Variants in AUTS2 observed in about 807,000 individuals in gnomAD.
The protein encoded by AUTS2 is activator of transcription and developmental regulator AUTS2, also known as autism susceptibility gene 2 protein.
AUTS2 carries 17 observed loss-of-function variants against 112.4 expected under a neutral mutation model. The observed-to-expected ratio is 0.15, with a 90% CI of 0.10 to 0.23. The LOEUF (loss-of-function observed/expected upper bound fraction) is 0.23, where lower values mean the gene tolerates loss of function less well. AUTS2 is among the 10% of genes least tolerant of loss of function. AUTS2 has a pLI of 1.00. For missense variants in AUTS2, 1,510 were observed against 1,701.6 expected, an observed-to-expected ratio of 0.89 and a Z score of 1.98; for synonymous variants, 751 against 702.7, an observed-to-expected ratio of 1.07 and a Z score of -1.09.
chr7:70,253,041 A>T (rs113958068), intron 4 of AUTS2, among the ~76,000 whole-genome samples: 1 of 151,938 alleles, frequency 6.6e-6, no homozygotes, highest in Non-Finnish European at 1.5e-5. Flanking sequence ...TTTTTTCTTT[A>T]TGTAGTCAAT....
intron 1 of AUTS2, among the ~76,000 whole-genome samples, chr7:69,710,917 G>A (rs758406373): frequency 3.7e-4 from 57 of 152,128 alleles, no homozygotes; most frequent in Non-Finnish European, 5.1e-4. Flanking sequence ...GCCTGTGGAG[G>A]AAGATCTCAT....
chr7:70,274,784 T>C lies in AUTS2; in HGVS notation c.660+140213T>C, dbSNP rs376340834. On this transcript the variant is annotated intron_variant, in intron 4 of 18. Transcript: ENST00000342771. ...TAATGCCATGGAGGCCTGAAAAGGT[T>C]AAGGTTCTCAAAGATCAAAAATGTA... 3.9e-5 allele frequency among the ~76,000 whole-genome samples: 6 copies of C among 152,270 alleles called. No homozygotes were observed. In the South Asian group the frequency reaches 1.2e-3, roughly 32 times the overall value.
intron 6 of AUTS2, among the ~76,000 whole-genome samples, chr7:70,725,874 A>C (rs1034419630): frequency 3.9e-5 from 6 of 151,926 alleles, no homozygotes; most frequent in African/African-American, 7.3e-5. Context: ...CAGGAGTTTG[A>C]GACCAGCGTG....
chr7:70,291,311 T>G (rs1049056552), intron 4 of AUTS2: 1 of 152,160 alleles, frequency 6.6e-6, no homozygotes, highest in Non-Finnish European at 1.5e-5. Context: ...ACCCCATAGC[T>G]TTCAAAAAGG....
intron 5 of AUTS2, among the ~76,000 whole-genome samples, chr7:70,667,513 T>C (rs997801169): frequency 6.6e-6 from 1 of 152,196 alleles, no homozygotes; most frequent in Non-Finnish European, 1.5e-5. Context: ...CACTAACAAA[T>C]ACTGGGAAGA....
At chr7:69,916,241 G>A (rs1041353128) in intron 2 of AUTS2, among the ~76,000 whole-genome samples, 3 of 152,166 alleles carry the variant, frequency 2.0e-5, no homozygotes, top group African/African-American at 7.2e-5. Context: ...TCAAAATGCT[G>A]TTTATTCAAT....
At chr7:69,734,348 GT>G (rs77361580) in intron 1 of AUTS2, among the ~76,000 whole-genome samples, 3,773 of 131,934 alleles carry the variant, frequency 0.029, 110 homozygotes, top group African/African-American at 0.08. Flanking sequence ...TTCCTCTTTA[GT>G]TTTTTTTTTT....
intron 2 of AUTS2, among the ~76,000 whole-genome samples, chr7:70,074,747 C>T (rs1259853829): frequency 6.6e-6 from 1 of 152,166 alleles, no homozygotes; most frequent in Non-Finnish European, 1.5e-5. Context: ...TATTATTGTA[C>T]AGCACACGGA....
intron 6 of AUTS2, among the ~76,000 whole-genome samples, chr7:70,762,348 G>C (rs1371825231): frequency 6.6e-6 from 1 of 152,038 alleles, no homozygotes; most frequent in African/African-American, 2.4e-5. Context: ...CGTTGCCCAG[G>C]GTGCTCTTGA....
chr7:70,179,285 C>T (rs750976853), intron 4 of AUTS2, among the ~76,000 whole-genome samples: 1 of 152,140 alleles, frequency 6.6e-6, no homozygotes, highest in East Asian at 1.9e-4. Context: ...AAATCTTTTC[C>T]TTTTTGTTTT....
At chr7:69,654,969 T>C (rs1198047945) in intron 1 of AUTS2, among the ~76,000 whole-genome samples, 1 of 152,064 alleles carries the variant, frequency 6.6e-6, no homozygotes, top group African/African-American at 2.4e-5. Flanking sequence ...TTGGTAGAGG[T>C]TGTGTTTCTG....
chr7:69,614,367 T>TCTTTCTTTCTTTCTTTCTTTCTTTTC lies in AUTS2; in HGVS notation c.309+14405_309+14406insCTTTCTTTCTTTCTTTCTTTCTTTTC, dbSNP rs57602451. Among the ~76,000 whole-genome samples, 13 of 90,302 alleles carry TCTTTCTTTCTTTCTTTCTTTCTTTTC rather than the reference T, an allele frequency of 1.4e-4. 2 individuals are homozygous for TCTTTCTTTCTTTCTTTCTTTCTTTTC. Among genetic ancestry groups the TCTTTCTTTCTTTCTTTCTTTCTTTTC allele is most frequent in the Non-Finnish European group, 2.5e-4 (11 of 43,166 alleles). The allele number at this position is 90,302 out of a possible 152,430, so 59.2% of individuals were successfully genotyped here. On this transcript the variant is annotated intron_variant, in intron 1 of 18. Transcript: ENST00000342771. ...TTCTTTCTTTCTTTCTTTCTTTCTTTTTTTAAGAGATGGGATCTCACTCTG... is the reference window on the plus strand; with the variant it reads ...TTCTTTCTTTCTTTCTTTCTTTCTTTCTTTCTTTCTTTCTTTCTTTCTTTTCTTTTAAGAGATGGGATCTCACTCTG...
At chr7:70,224,775 A>G (rs1028945038) in intron 4 of AUTS2, among the ~76,000 whole-genome samples, 1 of 152,106 alleles carries the variant, frequency 6.6e-6, no homozygotes, top group African/African-American at 2.4e-5. Flanking sequence ...TTAATCTTTT[A>G]TACTATATTT....
At chr7:70,492,796 C>A (rs1798303607) in intron 5 of AUTS2, among the ~76,000 whole-genome samples, 1 of 152,192 alleles carries the variant, frequency 6.6e-6, no homozygotes, top group Non-Finnish European at 1.5e-5. Flanking sequence ...GGAGAACACT[C>A]CGGGCCCACA....
At chr7:70,092,223 CATGTT>C (rs1439375471) in intron 2 of AUTS2, among the ~76,000 whole-genome samples, 10 of 152,104 alleles carry the variant, frequency 6.6e-5, no homozygotes, top group African/African-American at 9.7e-5. Context: ...TCAGATTTCT[CATGTT>C]AGGCATATTT....
chr7:70,115,643 T>G (rs1307935883), intron 2 of AUTS2, among the ~76,000 whole-genome samples: 1 of 152,190 alleles, frequency 6.6e-6, no homozygotes, highest in Non-Finnish European at 1.5e-5. Flanking sequence ...GAGAATTAGT[T>G]TTTTCATCCA....
intron 4 of AUTS2, among the ~76,000 whole-genome samples, chr7:70,322,129 C>A (rs1790284304): frequency 6.6e-6 from 1 of 152,028 alleles, no homozygotes; most frequent in African/African-American, 2.4e-5. Context: ...AGCAAAACTG[C>A]CCTTTATTTG....
intron 5 of AUTS2, among the ~76,000 whole-genome samples, chr7:70,606,816 T>A (rs1305249842): frequency 6.7e-6 from 1 of 150,100 alleles, no homozygotes; most frequent in African/African-American, 2.5e-5. Context: ...GAGTCGAGAT[T>A]GTGCCACTGT....
intron 2 of AUTS2, among the ~76,000 whole-genome samples, chr7:70,117,813 A>G (rs892195489): frequency 1.3e-5 from 2 of 151,778 alleles, no homozygotes; most frequent in African/African-American, 4.8e-5. Flanking sequence ...CACTGGTGCA[A>G]TCTCAGCTCG....
Sources: allele counts gnomAD v4.1 joint callset (sites outside exome capture counted in the v4.1 genomes callset), GRCh38; gene constraint gnomAD v4.1.1; transcripts MANE v1.5; gene names NCBI Gene and HGNC (gene_info 2026-07-23, HGNC 2026-07-21).